TNNI3K: variants seen among roughly 807,000 people sequenced by gnomAD.
TNNI3K encodes the protein TNNI3 interacting kinase, also known as serine/threonine-protein kinase TNNI3K.
In TNNI3K, 140 loss-of-function variants were observed where a neutral mutation model predicts 114.5. The ratio of observed to expected loss-of-function variants is 1.22; its 90% CI spans 1.07 to 1.41. The LOEUF is 1.41. Ranked by LOEUF, TNNI3K falls within the 40% of genes most tolerant of loss-of-function variation. The probability of loss-of-function intolerance (pLI) is 0.00; values close to 1 mark genes in which losing one functional copy is unlikely to be tolerated. For missense variants in TNNI3K, 1,125 were observed against 1,007.6 expected (o/e 1.12, Z -1.58); for synonymous variants, 347 against 347.5 (o/e 1.00, Z 0.02).
intron 4 of TNNI3K, among the ~76,000 whole-genome samples, chr1:74,255,727 G>A (rs995177128): frequency 1.3e-5 from 2 of 152,120 alleles, no homozygotes; most frequent in African/African-American, 2.4e-5. Flanking sequence ...CATCATCACA[G>A]TCATGTTATA....
chr1:74,468,221 A>G (rs1448229981), intron 21 of TNNI3K: 1 of 152,074 alleles, frequency 6.6e-6, no homozygotes, highest in Non-Finnish European at 1.5e-5. Flanking sequence ...AGAGAGAACA[A>G]AGCTAAAGGT....
chr1:74,352,607 C>T (rs889023260), intron 9 of TNNI3K, among the ~76,000 whole-genome samples: 8 of 150,876 alleles, frequency 5.3e-5, no homozygotes, highest in Non-Finnish European at 8.9e-5. Flanking sequence ...GAGCTGTGGT[C>T]GGCTCCACCC....
At chr1:74,320,209 G>A (rs1162337622) in intron 5 of TNNI3K, among the ~76,000 whole-genome samples, 1 of 152,070 alleles carries the variant, frequency 6.6e-6, no homozygotes, top group Non-Finnish European at 1.5e-5. Flanking sequence ...CCACCATTAT[G>A]CTTACTATTT....
intron 21 of TNNI3K, among the ~76,000 whole-genome samples, chr1:74,484,666 C>T (rs1037490911): frequency 6.6e-5 from 10 of 151,976 alleles, no homozygotes; most frequent in African/African-American, 2.4e-4. Context: ...TTCTCAAGGG[C>T]ATGAGGAGGT....
intron 21 of TNNI3K, among the ~76,000 whole-genome samples, chr1:74,473,106 A>G (rs1668016610): frequency 6.6e-6 from 1 of 152,126 alleles, no homozygotes; most frequent in African/African-American, 2.4e-5. Context: ...ATTAATGACA[A>G]AAATAATAGT....
At chr1:74,352,667 G>A (rs1661425092) in intron 9 of TNNI3K, among the ~76,000 whole-genome samples, 4 of 152,192 alleles carry the variant, frequency 2.6e-5, no homozygotes, top group Admixed American at 1.3e-4. Context: ...CTGGGCAATG[G>A]CAGGCGTCCC....
At chr1:74,483,832 T>G (rs1668618764) in intron 21 of TNNI3K, among the ~76,000 whole-genome samples, 1 of 152,182 alleles carries the variant, frequency 6.6e-6, no homozygotes, top group Non-Finnish European at 1.5e-5. Flanking sequence ...AAAGCTAATC[T>G]CAGACACTGA....
At chr1:74,543,062 CCCTTTTTTTTT>C (rs1348152606) in intron 24 of TNNI3K, among the ~76,000 whole-genome samples, 19 of 104,616 alleles carry the variant, frequency 1.8e-4, no homozygotes, top group Non-Finnish European at 3.2e-4. Flanking sequence ...TTTTCTTTTT[CCCTTTTTTTTT>C]TTTTTTTTTT....
chr1:74,331,598 G>A (rs1336525591), intron 6 of TNNI3K, 50 bp downstream of exon 6: 1 of 1,510,748 alleles, frequency 6.6e-7, no homozygotes, highest in African/African-American at 1.4e-5. Context: ...TTAAGTGTAG[G>A]CTTTTGTTGA....
chr1:74,493,336 T>G (rs1669168990), intron 23 of TNNI3K, among the ~76,000 whole-genome samples: 1 of 152,200 alleles, frequency 6.6e-6, no homozygotes, highest in Admixed American at 6.5e-5. Context: ...TTGCTAGTTT[T>G]AAAATGGTTA....
intron 17 of TNNI3K, among the ~76,000 whole-genome samples, chr1:74,396,745 G>T (rs1361401634): frequency 1.3e-5 from 2 of 152,132 alleles, no homozygotes; most frequent in African/African-American, 4.8e-5. Flanking sequence ...CACTCCTAGG[G>T]CACAGAATGT....
At chr1:74,332,339 C>T (rs1660246490) in intron 6 of TNNI3K, among the ~76,000 whole-genome samples, 1 of 150,426 alleles carries the variant, frequency 6.6e-6, no homozygotes. Flanking sequence ...ATTGCTCTGT[C>T]GCCCAGGCTG....
intron 13 of TNNI3K, 109 bp downstream of exon 13, chr1:74,368,073 A>G: frequency 9.3e-7 from 1 of 1,072,426 alleles, no homozygotes; most frequent in Non-Finnish European, 1.3e-6. Flanking sequence ...CTATTTTACA[A>G]GCACAACAAA....
intron 21 of TNNI3K, chr1:74,469,906 G>A: frequency 2.5e-6 from 1 of 400,580 alleles, no homozygotes; most frequent in African/African-American, 2.0e-5. Context: ...TGATGTAGTA[G>A]CATATTCAGC....
At chr1:74,379,608 A>G (rs1022248975) in intron 17 of TNNI3K, among the ~76,000 whole-genome samples, 4 of 152,098 alleles carry the variant, frequency 2.6e-5, no homozygotes, top group South Asian at 2.1e-4. Flanking sequence ...CAGAAGAAAC[A>G]GTGAGTTCTC....
In TNNI3K at chr1:74,356,347, A is replaced by G. The variant is rs189274351; in HGVS notation, c.1177+2218A>G. 1.9e-3 allele frequency among the ~76,000 whole-genome samples: 286 copies of G among 152,324 alleles called. 4 individuals carry two copies. The highest frequency in any genetic ancestry group is 3.9e-3 in the Admixed American group (59 of 15,294). On this transcript the variant is annotated intron_variant, in intron 11 of 24. Coordinates refer to ENST00000326637, the MANE Select transcript of TNNI3K (RefSeq NM_015978.3). ...CTGTGTTATGAACATTCATATATGT[A>G]GATATATGTCTTTCGTTGAATATAT...
chr1:74,319,858 G>T (rs1028372419), intron 5 of TNNI3K, among the ~76,000 whole-genome samples: 1 of 152,174 alleles, frequency 6.6e-6, no homozygotes, highest in African/African-American at 2.4e-5. Flanking sequence ...GAATAAAAGT[G>T]TGAAAATATT....
chr1:74,469,852 T>G (rs1667838398), intron 21 of TNNI3K: 2 of 400,292 alleles, frequency 5.0e-6, no homozygotes, highest in Non-Finnish European at 8.9e-6. Flanking sequence ...TAGAAAAGGA[T>G]TATTATTTGA....
Position 74,446,217 on chromosome 1 carries a change from G to T in TNNI3K, c.2011+6595G>T, listed in dbSNP as rs61776252. On this transcript the variant is annotated intron_variant, in intron 20 of 24. Coordinates refer to ENST00000326637, the MANE Select transcript of TNNI3K (RefSeq NM_015978.3). ...CCAGCACCTGTTGTTTCCTGACTTT[G>T]TAATGATTGCCATTCTAACTGGTGT... Among the ~76,000 whole-genome samples the T allele has an allele frequency of 1.2e-4, 18 of 152,076 alleles. No homozygotes were observed. The South Asian group carries it at 1.3e-3, about 11-fold the overall frequency.
Sources: allele counts gnomAD v4.1 joint callset (sites outside exome capture counted in the v4.1 genomes callset), GRCh38; gene constraint gnomAD v4.1.1; transcripts MANE v1.5; gene names NCBI Gene and HGNC (gene_info 2026-07-23, HGNC 2026-07-21).